The following ACACA variants were observed in gnomAD, a reference collection of about 807,000 sequenced individuals.
The protein encoded by ACACA is acetyl-CoA carboxylase 1.
Under a neutral mutation model 296.1 loss-of-function variants are expected in ACACA, and 103 were observed. The observed-to-expected ratio is 0.35, with a 90% CI of 0.30 to 0.41. The LOEUF (loss-of-function observed/expected upper bound fraction) is 0.41, where lower values mean the gene tolerates loss of function less well. Among genes scored for constraint, ACACA ranks in the 10% least tolerant of loss-of-function variants. The pLI, the probability that ACACA is intolerant of heterozygous loss-of-function variation, is 1.00. For missense variants in ACACA, 1,554 were observed against 2,989.7 expected (o/e 0.52, Z 11.20); for synonymous variants, 953 against 1,038.6 (o/e 0.92, Z 1.58).
At chr17:37,256,318 T>C (rs1004812167) in intron 14 of ACACA, among the ~76,000 whole-genome samples, 1 of 152,212 alleles carries the variant, frequency 6.6e-6, no homozygotes, top group Admixed American at 6.5e-5. Context: ...GGCAACTTCA[T>C]ACCAATGTTT....
chr17:37,217,447 T>C (rs756437909), intron 29 of ACACA, among the ~76,000 whole-genome samples: 14 of 150,718 alleles, frequency 9.3e-5, no homozygotes, highest in Non-Finnish European at 1.9e-4. Flanking sequence ...ACACAAAAAA[T>C]TGGTTAAACA....
chr17:37,267,377 A>G (rs2081834120), intron 10 of ACACA, among the ~76,000 whole-genome samples: 1 of 151,998 alleles, frequency 6.6e-6, no homozygotes, highest in Non-Finnish European at 1.5e-5. Context: ...TGCTCATGTG[A>G]CCTCTCCTTC....
At chr17:37,291,554 G>GCTGTCCTGGGCTACATGCAGTCC (rs1375882969) in intron 3 of ACACA, among the ~76,000 whole-genome samples, 2 of 152,140 alleles carry the variant, frequency 1.3e-5, no homozygotes, top group Admixed American at 1.3e-4. Context: ...CTCATCCAAA[G>GCTGTCCTGGGCTACATGCAGTCC]CTGTCCTGGG....
At chr17:37,099,624 G>C (rs557460932) in intron 52 of ACACA, among the ~76,000 whole-genome samples, 1 of 151,108 alleles carries the variant, frequency 6.6e-6, no homozygotes, top group Middle Eastern at 3.2e-3. Context: ...GATGGCAGGA[G>C]GGCTGATGGA....
chr17:37,179,019 C>T (rs2077222359), intron 41 of ACACA, among the ~76,000 whole-genome samples: 1 of 152,118 alleles, frequency 6.6e-6, no homozygotes, highest in Non-Finnish European at 1.5e-5. Flanking sequence ...AACAATATTC[C>T]TTTTTATTTT....
chr17:37,126,740 C>G (rs1321324654), intron 47 of ACACA, among the ~76,000 whole-genome samples: 8 of 152,186 alleles, frequency 5.3e-5, no homozygotes, highest in Admixed American at 3.3e-4. Flanking sequence ...CTAGACTAAA[C>G]TTGTAATTAC....
chr17:37,238,099 A>G (rs562953325), intron 24 of ACACA, among the ~76,000 whole-genome samples: 2 of 152,278 alleles, frequency 1.3e-5, no homozygotes, highest in Middle Eastern at 6.8e-3. Flanking sequence ...GAGTTTAAGT[A>G]ATCAATCTTT....
chr17:37,168,339 G>A (rs2076760523), intron 41 of ACACA, among the ~76,000 whole-genome samples: 1 of 152,014 alleles, frequency 6.6e-6, no homozygotes, highest in South Asian at 2.1e-4. Context: ...TGATGAAATT[G>A]TATTTTTTTT....
intron 3 of ACACA, among the ~76,000 whole-genome samples, chr17:37,318,304 G>A (rs2047188398): frequency 6.6e-6 from 1 of 152,176 alleles, no homozygotes; most frequent in South Asian, 2.1e-4. Flanking sequence ...GTGCAGTGGC[G>A]TGCTGTCAGC....
At chr17:37,369,940 A>G (rs1217411264) in intron 1 of ACACA, among the ~76,000 whole-genome samples, 1 of 151,504 alleles carries the variant, frequency 6.6e-6, no homozygotes, top group Non-Finnish European at 1.5e-5. Context: ...TCCTGACCTC[A>G]GGTGATCTGC....
intron 1 of ACACA, among the ~76,000 whole-genome samples, chr17:37,371,204 C>G (rs551804398): frequency 6.6e-6 from 1 of 151,746 alleles, no homozygotes; most frequent in Non-Finnish European, 1.5e-5. Context: ...CTCAGCCCCC[C>G]GAGTAGCTGG....
At position 37,345,459 on chromosome 17, in the gene ACACA, TA is replaced by T. The variant is rs1328219211; in HGVS notation, c.39-5610del. 3 of 152,180 alleles carry T rather than the reference TA, an allele frequency of 2.0e-5. No individual in the cohort carries two copies. In the East Asian group the frequency reaches 5.8e-4, roughly 29 times the overall value. 9.4% of individuals were successfully genotyped at this position (152,180 alleles called of 1,614,324 possible). On this transcript the variant is annotated intron_variant, in intron 1 of 55. Transcript: ENST00000616317. The stretch of plus-strand genomic sequence containing the variant: ...GTTGCCCAACCAGATTACACTGTAG[TA>T]AGCTAACCACCTCTAATCAGCTTTC...
At chr17:37,177,580 T>C (rs1199587877) in intron 41 of ACACA, among the ~76,000 whole-genome samples, 1 of 152,206 alleles carries the variant, frequency 6.6e-6, no homozygotes, top group African/African-American at 2.4e-5. Context: ...TTAATTACAT[T>C]AGTTAAAACC....
intron 2 of ACACA, among the ~76,000 whole-genome samples, chr17:37,337,716 C>A (rs1055379578): frequency 1.3e-5 from 2 of 151,620 alleles, no homozygotes; most frequent in African/African-American, 4.8e-5. Flanking sequence ...GCCTCCCAAA[C>A]GGTTGGGATT....
rs138254337 is a variant in ACACA at position 37,371,148 on chromosome 17, C to T, written c.39-31298G>A. ...AGGCTGGAGTGCAATGTCACGATCT[C>T]GGCTCACTGCAACCTCCACCTCCCG... is the stretch of plus-strand genomic sequence containing the variant. On this transcript the variant is annotated intron_variant, in intron 1 of 55. Transcript: ENST00000616317. Among the ~76,000 whole-genome samples the T allele has an allele frequency of 4.4e-4, 67 of 152,068 alleles. 1 individual carries two copies. The South Asian group carries it at 5.6e-3, about 13-fold the overall frequency.
At chr17:37,178,400 A>G (rs2077197674) in intron 41 of ACACA, among the ~76,000 whole-genome samples, 1 of 152,230 alleles carries the variant, frequency 6.6e-6, no homozygotes, top group Non-Finnish European at 1.5e-5. Flanking sequence ...TCATGCTCAC[A>G]ACAGCACCAG....
chr17:37,330,723 T>G (rs1192298458), intron 2 of ACACA, among the ~76,000 whole-genome samples: 2 of 152,220 alleles, frequency 1.3e-5, no homozygotes, highest in Non-Finnish European at 2.9e-5. Flanking sequence ...AGGAAATAAT[T>G]ATGATCAATG....
intron 1 of ACACA, among the ~76,000 whole-genome samples, chr17:37,374,339 T>G (rs2049917374): frequency 6.6e-6 from 1 of 150,626 alleles, no homozygotes; most frequent in African/African-American, 2.4e-5. Context: ...CAGGCTGGAG[T>G]GCAATGGTGC....
rs113147953 is a variant in ACACA at position 37,321,751 on chromosome 17, AAAAT to A, written c.338+8418_338+8421del. Among the ~76,000 whole-genome samples the A allele has an allele frequency of 2.6e-5, 4 of 151,728 alleles. No individual in the cohort carries two copies. The East Asian group carries it at 5.8e-4, about 22-fold the overall frequency. ...CGACAGAGCGAGACTCCATCTCAAAAAAATAAATAAATAAATAATTAAAAAAAAA... is the reference window on the plus strand; with the variant it reads ...CGACAGAGCGAGACTCCATCTCAAAAAAATAAATAAATAATTAAAAAAAAA... On this transcript the variant is annotated intron_variant, in intron 3 of 55. Transcript: ENST00000616317.
Sources: allele counts gnomAD v4.1 joint callset (sites outside exome capture counted in the v4.1 genomes callset), GRCh38; gene constraint gnomAD v4.1.1; transcripts MANE v1.5; gene names NCBI Gene and HGNC (gene_info 2026-07-23, HGNC 2026-07-21).